PTPRT: variants seen among roughly 807,000 people sequenced by gnomAD.
PTPRT encodes the protein protein tyrosine phosphatase receptor type T.
A neutral mutation model predicts 176.8 loss-of-function variants in PTPRT; 56 were observed. The ratio of observed to expected loss-of-function variants is 0.32; its 90% CI spans 0.26 to 0.40. The LOEUF (loss-of-function observed/expected upper bound fraction) is 0.40. Among genes scored for constraint, PTPRT ranks in the 10% least tolerant of loss-of-function variants. The probability of loss-of-function intolerance (pLI) is 1.00; values close to 1 mark genes in which losing one functional copy is unlikely to be tolerated. For missense variants in PTPRT, 1,540 were observed against 1,908.2 expected (o/e 0.81, Z 3.60); for synonymous variants, 783 against 739.0 (o/e 1.06, Z -0.96).
intron 2 of PTPRT, among the ~76,000 whole-genome samples, chr20:42,802,819 G>A (rs1447922024): frequency 2.0e-5 from 3 of 152,194 alleles, no homozygotes; most frequent in Non-Finnish European, 2.9e-5. Flanking sequence ...TCCCAGCTCT[G>A]TCAGCTCTCA....
intron 1 of PTPRT, among the ~76,000 whole-genome samples, chr20:43,000,061 AGGAGGGAGGGAGGGAGGGAGGGAG>A (rs3030231): frequency 1.2e-5 from 1 of 81,898 alleles, no homozygotes; most frequent in Non-Finnish European, 2.2e-5. Context: ...GAAGAAGGGA[AGGAGGGAGGGAGGGAGGGAGGGAG>A]GGAGGGAGGG....
intron 23 of PTPRT, among the ~76,000 whole-genome samples, chr20:42,108,399 T>C (rs1007128612): frequency 6.6e-6 from 1 of 151,494 alleles, no homozygotes. Flanking sequence ...TATAAAATGA[T>C]GTTGATAATA....
intron 13 of PTPRT, among the ~76,000 whole-genome samples, chr20:42,274,302 G>A (rs559811090): frequency 1.3e-5 from 2 of 152,242 alleles, no homozygotes; most frequent in African/African-American, 2.4e-5. Flanking sequence ...CTGCTCAGGG[G>A]TTCTCTGAGA....
At chr20:42,781,439 T>A (rs894643114) in intron 3 of PTPRT, among the ~76,000 whole-genome samples, 3 of 152,094 alleles carry the variant, frequency 2.0e-5, no homozygotes, top group Non-Finnish European at 4.4e-5. Flanking sequence ...ATCCACACCA[T>A]CCCCTGCCTC....
chr20:43,015,254 A>G (rs866601092), intron 1 of PTPRT, among the ~76,000 whole-genome samples: 23 of 152,224 alleles, frequency 1.5e-4, no homozygotes, highest in Non-Finnish European at 2.2e-4. Flanking sequence ...CCTCTCACCA[A>G]CTACAAGTTA....
At chr20:42,645,762 T>TTGTGTGTG (rs1324109060) in intron 7 of PTPRT, among the ~76,000 whole-genome samples, 6,907 of 127,844 alleles carry the variant, frequency 0.054, 608 homozygotes, top group African/African-American at 0.21. Flanking sequence ...GGATGTGTAT[T>TTGTGTGTG]TATGTGTGTG....
chr20:43,034,477 T>G (rs1266730030), intron 1 of PTPRT, among the ~76,000 whole-genome samples: 3 of 150,744 alleles, frequency 2.0e-5, no homozygotes, highest in Admixed American at 1.3e-4. Flanking sequence ...CCTACAGTCC[T>G]CCAAGGGCAA....
chr20:43,162,107 G>T (rs1024624952), intron 1 of PTPRT, among the ~76,000 whole-genome samples: 2 of 152,260 alleles, frequency 1.3e-5, no homozygotes, highest in Middle Eastern at 6.8e-3. Flanking sequence ...TTAGGAGGTT[G>T]TTCAGTAAAA....
At chr20:42,737,971 G>A (rs1437300171) in intron 6 of PTPRT, among the ~76,000 whole-genome samples, 1 of 152,130 alleles carries the variant, frequency 6.6e-6, no homozygotes, top group African/African-American at 2.4e-5. Flanking sequence ...GGGAGCTGCT[G>A]ACTCCTGTTC....
chr20:43,184,714 A>C (rs2015347454), intron 1 of PTPRT, among the ~76,000 whole-genome samples: 1 of 150,930 alleles, frequency 6.6e-6, no homozygotes, highest in African/African-American at 2.4e-5. Context: ...CCTAATGATC[A>C]CCATGCCTCA....
chr20:42,777,068 C>T (rs758107762), intron 4 of PTPRT, among the ~76,000 whole-genome samples: 11 of 152,022 alleles, frequency 7.2e-5, no homozygotes, highest in African/African-American at 1.2e-4. Context: ...CACCCTGGTG[C>T]GGGCCACCAC....
chr20:42,970,585 C>T (rs542736232), intron 1 of PTPRT, among the ~76,000 whole-genome samples: 58 of 152,210 alleles, frequency 3.8e-4, no homozygotes, highest in African/African-American at 1.3e-3. Context: ...CCTCACCAGT[C>T]GTCATGAGGA....
rs796241094 is a variant in PTPRT, at chr20:42,389,457, A to C, written c.1561-37172T>G. ...GTGTTCCCCCAAAACCATATATTGG[A>C]AACTTATTACCCTTGCAGCAGTGTT... On this transcript the variant is annotated intron_variant, in intron 9 of 30. Transcript: ENST00000373187. Among the ~76,000 whole-genome samples the C allele has an allele frequency of 1.3e-5, 2 of 152,224 alleles. 1 individual carries two copies. The highest frequency in any genetic ancestry group is 4.8e-5 in the African/African-American group (2 of 41,532).
chr20:43,172,860 G>A (rs1261317130), intron 1 of PTPRT, among the ~76,000 whole-genome samples: 1 of 148,822 alleles, frequency 6.7e-6, no homozygotes, highest in Admixed American at 6.7e-5. Flanking sequence ...TGAGATCAGA[G>A]TCTGCAGTCT....
intron 1 of PTPRT, among the ~76,000 whole-genome samples, chr20:43,136,850 C>T (rs6065579): frequency 0.34 from 51,894 of 152,044 alleles, 9,730 homozygotes; most frequent in East Asian, 0.79. Context: ...CCTCCAGCTG[C>T]GGACATTTTT....
intron 27 of PTPRT, among the ~76,000 whole-genome samples, chr20:42,087,872 CAAAAAAAAAAA>C (rs56235565): frequency 2.2e-5 from 2 of 89,052 alleles, no homozygotes; most frequent in East Asian, 6.6e-4. Context: ...GACTCCATTT[CAAAAAAAAAAA>C]AAAAAAAAAA....
intron 13 of PTPRT, among the ~76,000 whole-genome samples, chr20:42,280,974 AT>A (rs2057129480): frequency 6.6e-6 from 1 of 152,068 alleles, no homozygotes; most frequent in African/African-American, 2.4e-5. Context: ...AATCCATTGC[AT>A]CCATCTCTCC....
chr20:42,159,265 T>C (rs1403701268), intron 17 of PTPRT, among the ~76,000 whole-genome samples: 1 of 152,028 alleles, frequency 6.6e-6, no homozygotes, highest in East Asian at 1.9e-4. Context: ...CAGTTTCTTT[T>C]GGGAGATATG....
At chr20:43,179,796 C>T (rs1050247435) in intron 1 of PTPRT, among the ~76,000 whole-genome samples, 2 of 152,244 alleles carry the variant, frequency 1.3e-5, no homozygotes, top group Non-Finnish European at 2.9e-5. Context: ...TTGTATTTTT[C>T]TCCAAGAAAC....
Sources: allele counts gnomAD v4.1 joint callset (sites outside exome capture counted in the v4.1 genomes callset), GRCh38; gene constraint gnomAD v4.1.1; transcripts MANE v1.5; gene names NCBI Gene and HGNC (gene_info 2026-07-23, HGNC 2026-07-21).